WDR70: variants seen among roughly 807,000 people sequenced by gnomAD.
WDR70 encodes WD repeat-containing protein 70.
A neutral mutation model predicts 88.6 loss-of-function variants in WDR70; 53 were observed. The observed-to-expected ratio is 0.60, with a 90% CI of 0.48 to 0.75. WDR70 has a LOEUF of 0.75. WDR70 is among the 30% of genes least tolerant of loss of function. The pLI is 0.00. For synonymous variants in WDR70, 280 were observed against 270.0 expected (o/e 1.04, Z -0.36); for missense variants, 610 against 823.2 (o/e 0.74, Z 3.17).
chr5:37,601,014 T>G (rs1743866185), intron 9 of WDR70, among the ~76,000 whole-genome samples: 1 of 152,236 alleles, frequency 6.6e-6, no homozygotes, highest in African/African-American at 2.4e-5. Context: ...TCTTTCCTAT[T>G]TGGATAACTT....
At chr5:37,607,347 A>G (rs905782407) in intron 10 of WDR70, among the ~76,000 whole-genome samples, 2 of 152,156 alleles carry the variant, frequency 1.3e-5, no homozygotes, top group African/African-American at 4.8e-5. Flanking sequence ...TAGTTTTTCC[A>G]AACAGTAGTT....
At chr5:37,406,142 A>G (rs540357549) in intron 5 of WDR70, among the ~76,000 whole-genome samples, 1 of 152,330 alleles carries the variant, frequency 6.6e-6, no homozygotes, top group African/African-American at 2.4e-5. Flanking sequence ...TTAATATAAA[A>G]CATGAGAAAC....
At chr5:37,623,478 T>C (rs1744572845) in intron 10 of WDR70, among the ~76,000 whole-genome samples, 1 of 152,202 alleles carries the variant, frequency 6.6e-6, no homozygotes, top group African/African-American at 2.4e-5. Context: ...TGAAAATCAA[T>C]TTATGCACAA....
rs535598828 is a variant in WDR70, at chr5:37,379,513, C to A, written c.50C>A (p.Pro17Gln). Residue 17 changes from proline (P) to glutamine (Q), a missense_variant, in exon 2 of 18, where the codon CCG becomes CAG. Physicochemically the swap from Pro to Gln is moderately conservative, Grantham distance 76 (BLOSUM62 -1). This residue lies in a region of WDR70 where 203 missense variants were observed against 228.1 expected (regional missense o/e 0.89). Coordinates refer to ENST00000265107, the MANE Select transcript of WDR70 (RefSeq NM_018034.4). The part of the protein sequence containing the change: ...SEVTGSDASG[P>Q]DPQLAVTMGF... ...GTGACAGGCTCAGACGCGTCGGGACCGGACCCGCAGCTTGCGGTCACCATG... is the reference window on the plus strand; with the variant it reads ...GTGACAGGCTCAGACGCGTCGGGACAGGACCCGCAGCTTGCGGTCACCATG... 6.2e-7 allele frequency: 1 copy of A among 1,613,978 alleles called. No individual in the cohort carries two copies. Among genetic ancestry groups the A allele is most frequent in the East Asian group, 2.2e-5 (1 of 44,888 alleles).
At chr5:37,392,691 C>T (rs1185379264) in intron 4 of WDR70, among the ~76,000 whole-genome samples, 1 of 152,162 alleles carries the variant, frequency 6.6e-6, no homozygotes, top group African/African-American at 2.4e-5. Flanking sequence ...TTCGCCCAGG[C>T]TGGAGTGCAG....
intron 5 of WDR70, among the ~76,000 whole-genome samples, chr5:37,421,902 T>C (rs1215121302): frequency 6.6e-6 from 1 of 151,616 alleles, no homozygotes; most frequent in African/African-American, 2.4e-5. Context: ...TCCCTCTCTC[T>C]TGGTGGTTGT....
chr5:37,647,471 G>A (rs545410770), intron 10 of WDR70, among the ~76,000 whole-genome samples: 7 of 152,246 alleles, frequency 4.6e-5, no homozygotes, highest in African/African-American at 1.7e-4. Flanking sequence ...GGTATTTATT[G>A]TAGTCTTGTA....
intron 8 of WDR70, among the ~76,000 whole-genome samples, chr5:37,487,019 T>C (rs1739895574): frequency 6.6e-6 from 1 of 152,222 alleles, no homozygotes; most frequent in Non-Finnish European, 1.5e-5. Context: ...CAGGCTTATG[T>C]AGTCATCCAT....
chr5:37,558,382 A>G (rs1489012581), intron 9 of WDR70, among the ~76,000 whole-genome samples: 3 of 152,106 alleles, frequency 2.0e-5, no homozygotes, highest in Non-Finnish European at 2.9e-5. Context: ...GCAGTGGCAG[A>G]ATTACAGTTC....
At chr5:37,554,655 C>T (rs1466792084) in intron 9 of WDR70, among the ~76,000 whole-genome samples, 1 of 144,902 alleles carries the variant, frequency 6.9e-6, no homozygotes, top group Non-Finnish European at 1.5e-5. Flanking sequence ...CACACACATA[C>T]TCACACACGC....
chr5:37,490,884 C>T (rs1423232512), intron 8 of WDR70, among the ~76,000 whole-genome samples: 1 of 152,048 alleles, frequency 6.6e-6, no homozygotes, highest in African/African-American at 2.4e-5. Context: ...GTGCTACAAC[C>T]CTCTCAGTGG....
chr5:37,708,403 T>C (rs567406608), intron 13 of WDR70, among the ~76,000 whole-genome samples: 3 of 152,054 alleles, frequency 2.0e-5, no homozygotes, highest in Admixed American at 6.5e-5. Flanking sequence ...GTATAAATGT[T>C]ATATATAACA....
At chr5:37,712,338 GTCTACTACTTTAAAACTT>G in intron 13 of WDR70, among the ~76,000 whole-genome samples, 1 of 152,150 alleles carries the variant, frequency 6.6e-6, no homozygotes, top group Admixed American at 6.5e-5. Context: ...TATTTTAATT[GTCTACTACTTTAAAACTT>G]TAGATGATCC....
chr5:37,730,549 A>G (rs181676435), intron 17 of WDR70, among the ~76,000 whole-genome samples: 1 of 152,244 alleles, frequency 6.6e-6, no homozygotes, highest in East Asian at 1.9e-4. Context: ...TCATAGTTGC[A>G]TAGTACTCCG....
At chr5:37,634,090 G>A (rs369109416) in intron 10 of WDR70, among the ~76,000 whole-genome samples, 46 of 152,010 alleles carry the variant, frequency 3.0e-4, no homozygotes, top group African/African-American at 1.1e-3. Context: ...ACGAGGTCAG[G>A]AGATGGAGAC....
chr5:37,664,546 C>T (rs1478675447), intron 10 of WDR70, among the ~76,000 whole-genome samples: 2 of 152,218 alleles, frequency 1.3e-5, no homozygotes, highest in Non-Finnish European at 2.9e-5. Context: ...CTTCTTTTCC[C>T]ATCTTCTATT....
chr5:37,527,385 G>A (rs1741317471), intron 9 of WDR70, among the ~76,000 whole-genome samples: 1 of 152,160 alleles, frequency 6.6e-6, no homozygotes, highest in Admixed American at 6.5e-5. Flanking sequence ...AATGGGGAAA[G>A]GATTCCCTAT....
At chr5:37,625,481 T>G (rs189704977) in intron 10 of WDR70, among the ~76,000 whole-genome samples, 3 of 152,250 alleles carry the variant, frequency 2.0e-5, no homozygotes, top group East Asian at 3.9e-4. Context: ...GTATGTCGTC[T>G]TCTATCTGTT....
rs1309178407 is a variant in WDR70 at position 37,604,963 on chromosome 5, C to A, written c.918-101C>A. 3.0e-6 allele frequency: 3 copies of A among 1,016,552 alleles called. No homozygotes were observed. In the East Asian group the frequency reaches 8.5e-5, roughly 29 times the overall value. The allele number at this position is 1,016,552 out of a possible 1,614,324, so 63.0% of individuals were successfully genotyped here. A position where few individuals can be genotyped will look rare whatever the true frequency, so the allele number is the denominator to read the frequency against. The stretch of plus-strand genomic sequence containing the variant: ...TTAAAATAATTATTAGATTTATGTG[C>A]CAAAATGGCGAAGCAGTCTTTATGG... On this transcript the variant is annotated intron_variant, in intron 9 of 17. Transcript: ENST00000265107.
Sources: allele counts gnomAD v4.1 joint callset (sites outside exome capture counted in the v4.1 genomes callset), GRCh38; gene constraint gnomAD v4.1.1; regional missense constraint gnomAD v4.1.1; transcripts MANE v1.5; gene names NCBI Gene and HGNC (gene_info 2026-07-23, HGNC 2026-07-21).